The following RPP40 variants were observed in gnomAD, a reference collection of about 807,000 sequenced individuals.
The protein encoded by RPP40 is ribonuclease P/MRP subunit p40, also known as ribonuclease P protein subunit p40.
In RPP40, 30 loss-of-function variants were observed where a neutral mutation model predicts 42.5. The ratio of observed to expected loss-of-function variants is 0.71; its 90% CI spans 0.53 to 0.96. The LOEUF (loss-of-function observed/expected upper bound fraction) is 0.96, where lower values mean the gene tolerates loss of function less well. RPP40 is among the 40% of genes least tolerant of loss of function. RPP40 has a pLI of 0.00. For synonymous variants in RPP40, 173 were observed against 164.0 expected (o/e 1.05, Z -0.42); for missense variants, 426 against 433.5 (o/e 0.98, Z 0.15).
Position 4,995,049 on chromosome 6 carries a change from A to C in RPP40, c.*29T>G, listed in dbSNP as rs773399412. The C allele has an allele frequency of 6.3e-7, 1 of 1,577,354 alleles. No homozygotes were observed. Among genetic ancestry groups the C allele is most frequent in the East Asian group, 2.2e-5 (1 of 44,674 alleles). On this transcript the variant is annotated 3_prime_UTR_variant, in exon 8 of 8. Transcript: ENST00000380051. ...GAAATCTGAAAGCAAGCGTAAATGT[A>C]AGTAAACACGATTTTTAATTTTTAT... is the stretch of plus-strand genomic sequence containing the variant.
At chr6:5,002,039 G>C in intron 2 of RPP40, 62 bp downstream of exon 2, 1 of 1,451,348 alleles carries the variant, frequency 6.9e-7, no homozygotes, top group Non-Finnish European at 9.5e-7. Context: ...CTAGCATCGT[G>C]ATGTGGTCTC....
At position 4,994,947 on chromosome 6, in the gene RPP40, G is replaced by A. The variant is rs1404143492; in HGVS notation, c.*131C>T. Reference sequence around the variant, plus strand: ...ACAGATGGGTCTCAGGTGCAGGGCAGGATGCCAGCAAATGCTGATCTGAGA... The same window carrying A: ...ACAGATGGGTCTCAGGTGCAGGGCAAGATGCCAGCAAATGCTGATCTGAGA... On this transcript the variant is annotated 3_prime_UTR_variant, in exon 8 of 8. Coordinates refer to ENST00000380051, the MANE Select transcript of RPP40 (RefSeq NM_006638.4). 3.8e-6 allele frequency: 3 copies of A among 782,332 alleles called. No homozygotes were observed. In the Admixed American group the frequency reaches 8.0e-5, roughly 21 times the overall value. 48.5% of individuals were successfully genotyped at this position (782,332 alleles called of 1,614,324 possible). A position where few individuals can be genotyped will look rare whatever the true frequency, so the allele number is the denominator to read the frequency against.
chr6:4,999,560 G>T (rs887113759), intron 4 of RPP40, among the ~76,000 whole-genome samples: 1 of 152,018 alleles, frequency 6.6e-6, no homozygotes, highest in African/African-American at 2.4e-5. Flanking sequence ...GCCTGCCAAG[G>T]TTTAACCCGA....
downstream of RPP40, among the ~76,000 whole-genome samples, chr6:4,992,336 T>C (rs902142317): frequency 1.4e-5 from 2 of 141,974 alleles, no homozygotes; most frequent in African/African-American, 5.3e-5. Flanking sequence ...GCCACTGCAG[T>C]CCATCCTGGG....
At chr6:4,994,248 G>T (rs1247282700), downstream of RPP40, among the ~76,000 whole-genome samples, 1 of 132,926 alleles carries the variant, frequency 7.5e-6, no homozygotes, top group African/African-American at 2.8e-5. Context: ...GCCTGTTGTG[G>T]GGTGGGGGGA....
chr6:5,003,945 A>T lies in RPP40; in HGVS notation c.58T>A (p.Ser20Thr). The T allele has an allele frequency of 7.4e-6, 12 of 1,613,440 alleles. No homozygotes were observed. Among genetic ancestry groups the T allele is most frequent in the Non-Finnish European group, 1.0e-5 (12 of 1,179,714 alleles). Residue 20 changes from serine (S) to threonine (T), a missense_variant, in exon 1 of 8, where the codon TCC (serine) becomes ACC (threonine). Coordinates refer to ENST00000380051, the MANE Select transcript of RPP40 (RefSeq NM_006638.4). Reference protein sequence around the residue: ...APRHLLVCEKSNFGNHKSRHR... With the variant: ...APRHLLVCEKTNFGNHKSRHR... ...CGCGACTTGTGGTTGCCGAAGTTGG[A>T]TTTCTCGCAAACCAGTAAGTGCCGC...
downstream of RPP40, among the ~76,000 whole-genome samples, chr6:4,991,050 T>C (rs900930524): frequency 1.3e-5 from 2 of 152,150 alleles, no homozygotes; most frequent in African/African-American, 4.8e-5. Flanking sequence ...CCCTGATATA[T>C]GTACCTGGCT....
intron 2 of RPP40, 168 bp downstream of exon 2, chr6:5,001,933 T>A: frequency 1.6e-6 from 1 of 608,594 alleles, no homozygotes; most frequent in Non-Finnish European, 2.8e-6. Flanking sequence ...CTAAAGAGGG[T>A]ACAAGAAAGA....
At chr6:5,003,771 T>TCCG (rs1367762163) in intron 1 of RPP40, 109 bp downstream of exon 1, 2 of 1,394,860 alleles carry the variant, frequency 1.4e-6, no homozygotes, top group Non-Finnish European at 1.9e-6. Flanking sequence ...GCCCCGCCCC[T>TCCG]CCGCGTACCG....
At position 5,000,577 on chromosome 6, in the gene RPP40, G is replaced by C; in HGVS notation, c.323C>G (p.Ala108Gly). 1 of 1,568,376 alleles carries C rather than the reference G, an allele frequency of 6.4e-7. No homozygotes were observed. The highest frequency in any genetic ancestry group is 8.8e-7 in the Non-Finnish European group (1 of 1,140,458). The change falls in exon 3 of 8, where the codon GCC becomes GGC. Residue 108 changes from alanine (A) to glycine (G), a missense_variant. By Grantham distance (60) the Ala-to-Gly change is moderately conservative. Transcript: ENST00000380051. ...NTHIDEDNTV[A>G]LLPNGKLILS... ...TAAAGTGTTACCATTTGGTAGCAGG[G>C]CAACAGTATTATCTTCATCAATATG...
In RPP40 at chr6:4,996,374, A is replaced by C; in HGVS notation, c.606T>G (p.Ile202Met). Residue 202 changes from isoleucine (I) to methionine (M), a missense_variant, in exon 6 of 8, where the codon ATT becomes ATG. By Grantham distance (10) the Ile-to-Met change is conservative (BLOSUM62 1). Coordinates refer to ENST00000380051, the MANE Select transcript of RPP40 (RefSeq NM_006638.4). ...GTGCTACTTTTGGCTGATGCTCCTG[A>C]ATTTGGTACTTGGAAAAATATGACA... ...TMMSYFSKYQ[I>M]QEHQPKVALS... 6.2e-7 allele frequency: 1 copy of C among 1,613,934 alleles called. No individual in the cohort carries two copies. Among genetic ancestry groups the C allele is most frequent in the Non-Finnish European group, 8.5e-7 (1 of 1,180,038 alleles).
chr6:4,996,144 C>T (rs967561976), intron 6 of RPP40, 59 bp from the exon 7 acceptor site: 2 of 1,608,038 alleles, frequency 1.2e-6, no homozygotes, highest in African/African-American at 2.7e-5. Flanking sequence ...CACATGATCA[C>T]TTCCAAAGTA....
In RPP40 at chr6:4,996,311, C is replaced by T. The variant is rs1405778595; in HGVS notation, c.669G>A (p.Gln223=). 3 of 1,614,086 alleles carry T rather than the reference C, an allele frequency of 1.9e-6. No individual in the cohort carries two copies. Among genetic ancestry groups the T allele is most frequent in the Non-Finnish European group, 2.5e-6 (3 of 1,180,060 alleles). ...TLRDLQCPVL[Q]SSELEGTPEV... ...CTGGCGTTCCCTCCAGCTCGCTGCT[C>T]TGCAGCACTGGGCACTGGAGATCTC... Residue 223 remains glutamine (Q), a synonymous_variant, in exon 6 of 8, where the codon CAG becomes CAA. Coordinates refer to ENST00000380051, the MANE Select transcript of RPP40 (RefSeq NM_006638.4).
chr6:4,989,663 T>C, the RPP40 span, among the ~76,000 whole-genome samples: 1 of 152,228 alleles, frequency 6.6e-6, no homozygotes, highest in African/African-American at 2.4e-5. Context: ...TTGGTCAGAC[T>C]TATCCCAGGT....
chr6:5,003,127 T>C (rs1300737272), intron 1 of RPP40, among the ~76,000 whole-genome samples: 1 of 151,878 alleles, frequency 6.6e-6, no homozygotes, highest in African/African-American at 2.4e-5. Context: ...GACGGGCGGA[T>C]CACGAGGTCA....
chr6:4,991,202 T>C (rs1759258098), downstream of RPP40, among the ~76,000 whole-genome samples: 14 of 152,328 alleles, frequency 9.2e-5, 1 homozygote, highest in South Asian at 2.9e-3. Context: ...AGTTTTTCTC[T>C]TTTCTAGTTT....
Position 4,998,845 on chromosome 6 carries a change from T to A in RPP40, c.434-4A>T, listed in dbSNP as rs1382399605. 3 of 1,392,648 alleles carry A rather than the reference T, an allele frequency of 2.2e-6. No individual in the cohort carries two copies. Among genetic ancestry groups the A allele is most frequent in the Non-Finnish European group, 2.0e-6 (2 of 1,020,922 alleles). The allele number at this position is 1,392,648 out of a possible 1,614,324, so 86.3% of individuals were successfully genotyped here. ...TCCATCAAATCAATGGAAACAACTT[T>A]AAAAATGAAAAAAAGAACATATATT... On this transcript the variant is annotated splice_polypyrimidine_tract_variant and splice_region_variant and intron_variant, in intron 4 of 7. Transcript: ENST00000380051.
At chr6:5,003,270 C>T (rs1429111103) in intron 1 of RPP40, among the ~76,000 whole-genome samples, 1 of 137,356 alleles carries the variant, frequency 7.3e-6, no homozygotes, top group Non-Finnish European at 1.5e-5. Context: ...TGGCGTGAAC[C>T]CGGGAGGCGG....
At chr6:4,994,235 G>A (rs781726421), downstream of RPP40, among the ~76,000 whole-genome samples, 11 of 138,580 alleles carry the variant, frequency 7.9e-5, no homozygotes, top group Admixed American at 1.5e-4. Flanking sequence ...ATCACACACC[G>A]GGGCCTGTTG....
Sources: allele counts gnomAD v4.1 joint callset (sites outside exome capture counted in the v4.1 genomes callset), GRCh38; gene constraint gnomAD v4.1.1; transcripts MANE v1.5; gene names NCBI Gene and HGNC (gene_info 2026-07-23, HGNC 2026-07-21).